MLLT1: variants seen among roughly 807,000 people sequenced by gnomAD.
MLLT1 encodes the protein protein ENL.
In MLLT1, 11 loss-of-function variants were observed where a neutral mutation model predicts 55.1. The ratio of observed to expected loss-of-function variants is 0.20; its 90% CI spans 0.13 to 0.33. The LOEUF (loss-of-function observed/expected upper bound fraction) is 0.33, where lower values mean the gene tolerates loss of function less well. Among genes scored for constraint, MLLT1 ranks in the 10% least tolerant of loss-of-function variants. The pLI, the probability that MLLT1 is intolerant of heterozygous loss-of-function variation, is 1.00. For missense variants in MLLT1, 536 were observed against 760.6 expected (o/e 0.70, Z 3.47); for synonymous variants, 323 against 320.1 (o/e 1.01, Z -0.10).
At chr19:6,271,775 C>T (rs1049031896) in intron 1 of MLLT1, among the ~76,000 whole-genome samples, 2 of 152,210 alleles carry the variant, frequency 1.3e-5, no homozygotes, top group African/African-American at 4.8e-5. Context: ...CTGAGATAGC[C>T]GGGAGCCAGC....
chr19:6,213,432 G>C, intron 10 of MLLT1, 24 bp from the exon 11 acceptor site: 1 of 1,585,844 alleles, frequency 6.3e-7, no homozygotes, highest in Non-Finnish European at 8.6e-7. Flanking sequence ...GCAGGTCTCA[G>C]CAGCGTGTGG....
chr19:6,214,806 C>T (rs773558150), intron 8 of MLLT1, among the ~76,000 whole-genome samples: 12 of 152,190 alleles, frequency 7.9e-5, no homozygotes, highest in Non-Finnish European at 1.8e-4. Flanking sequence ...CCCAGGCCTC[C>T]TAGTGAACAA....
rs969767683 is a variant in MLLT1 at position 6,262,781 on chromosome 19, A to G, written c.194-471T>C. Among the ~76,000 whole-genome samples, 8 of 152,246 alleles carry G rather than the reference A, an allele frequency of 5.3e-5. No homozygotes were observed. The East Asian group carries it at 5.8e-4, about 11-fold the overall frequency. ...ACCACGGACACATGCACTGGGAGAC[A>G]GGGGAGCCCCAGGTGGCTGGGACCC... On this transcript the variant is annotated intron_variant, in intron 2 of 11. Coordinates refer to ENST00000252674, the MANE Select transcript of MLLT1 (RefSeq NM_005934.4). This position sits in a 1 kb window ranked among gnomAD's most constrained non-coding sequence, Gnocchi z 4.4.
rs1053032866 is a variant in MLLT1 at position 6,240,910 on chromosome 19, G to A, written c.277-10197C>T. Among the ~76,000 whole-genome samples the A allele has an allele frequency of 2.6e-5, 4 of 152,140 alleles. No individual in the cohort carries two copies. The highest frequency in any genetic ancestry group is 6.5e-5 in the Admixed American group (1 of 15,280). On this transcript the variant is annotated intron_variant, in intron 3 of 11. Coordinates refer to ENST00000252674, the MANE Select transcript of MLLT1 (RefSeq NM_005934.4). This position sits in a 1 kb window ranked among gnomAD's most constrained non-coding sequence, Gnocchi z 4.7. ...TAAAATGCTCTCCATGGAAACAGAC[G>A]TTTTTAGACTTAAAGTTTGGCTTCT... is the stretch of plus-strand genomic sequence containing the variant.
At chr19:6,243,339 C>T (rs546731347) in intron 3 of MLLT1, among the ~76,000 whole-genome samples, 16 of 152,328 alleles carry the variant, frequency 1.1e-4, no homozygotes, top group Non-Finnish European at 1.9e-4. Context: ...CAGCCCCTCC[C>T]GAGGCCCTCA....
At chr19:6,214,311 C>T (rs532859012) in intron 8 of MLLT1, among the ~76,000 whole-genome samples, 1 of 152,340 alleles carries the variant, frequency 6.6e-6, no homozygotes, top group East Asian at 1.9e-4. Flanking sequence ...CACAAAGCCC[C>T]CCAGCCAATG....
In MLLT1 at chr19:6,216,456, G is replaced by C; in HGVS notation, c.1256C>G (p.Ser419Cys). Residue 419 changes from serine to cysteine, a missense_variant, in exon 8 of 12, where the codon TCT becomes TGT. Physicochemically the swap from Ser to Cys is moderately radical, Grantham distance 112 (BLOSUM62 -1). Coordinates refer to ENST00000252674, the MANE Select transcript of MLLT1 (RefSeq NM_005934.4). The part of the protein sequence containing the change: ...LQSEESDEDD[S>C]SSGEEAAGKT... Reference sequence around the variant, plus strand: ...GCCGGCAGCCTCCTCGCCTGACGAAGAGTCGTCCTCGTCGGACTCCTCGGA... The same window carrying C: ...GCCGGCAGCCTCCTCGCCTGACGAACAGTCGTCCTCGTCGGACTCCTCGGA... 1 of 1,610,066 alleles carries C rather than the reference G, an allele frequency of 6.2e-7. No homozygotes were observed. Among genetic ancestry groups the C allele is most frequent in the Non-Finnish European group, 8.5e-7 (1 of 1,178,946 alleles).
At position 6,273,665 on chromosome 19, in the gene MLLT1, CCT is replaced by C. The variant is rs1398189758; in HGVS notation, c.13-2908_13-2907del. Among the ~76,000 whole-genome samples, 3 of 152,184 alleles carry C rather than the reference CCT, an allele frequency of 2.0e-5. No homozygotes were observed. The highest frequency in any genetic ancestry group is 2.9e-5 in the Non-Finnish European group (2 of 68,030). On this transcript the variant is annotated intron_variant, in intron 1 of 11. Transcript: ENST00000252674. The surrounding 1 kb of genome is among the most constrained non-coding windows in gnomAD (Gnocchi z 4.3). ...TTCGCTAGAAAACAGGAAGGCAACC[CCT>C]GTCCCGCTGGGAGCATTACAGGTGA...
At chr19:6,258,361 G>T (rs576951547) in intron 3 of MLLT1, among the ~76,000 whole-genome samples, 1 of 152,244 alleles carries the variant, frequency 6.6e-6, no homozygotes, top group South Asian at 2.1e-4. Flanking sequence ...ACCCCAAACT[G>T]ATACTGTCAG....
chr19:6,261,210 G>A (rs996304647), intron 3 of MLLT1, among the ~76,000 whole-genome samples: 6 of 152,174 alleles, frequency 3.9e-5, no homozygotes, highest in South Asian at 2.1e-4. Context: ...TTCTCCCAGC[G>A]GGGCCTCAAT....
At chr19:6,251,723 G>C (rs1359815855) in intron 3 of MLLT1, among the ~76,000 whole-genome samples, 1 of 151,314 alleles carries the variant, frequency 6.6e-6, no homozygotes, top group Non-Finnish European at 1.5e-5. Context: ...CCAGGAGTTC[G>C]AGACCAGCCT....
At position 6,270,492 on chromosome 19, in the gene MLLT1, T is replaced by A; in HGVS notation, c.193+87A>T. On this transcript the variant is annotated intron_variant, in intron 2 of 11. Coordinates refer to ENST00000252674, the MANE Select transcript of MLLT1 (RefSeq NM_005934.4). This position sits in a 1 kb window ranked among gnomAD's most constrained non-coding sequence, Gnocchi z 7.1. ...CTCATGGTTGGAGGGGTCCTGCTGC[T>A]CCTGAGGGAGGGGTGGAGCCTGGCC... 2 of 1,422,566 alleles carry A rather than the reference T, an allele frequency of 1.4e-6. No homozygotes were observed. The highest frequency in any genetic ancestry group is 1.9e-6 in the Non-Finnish European group (2 of 1,053,792). The allele number at this position is 1,422,566 out of a possible 1,614,324, so 88.1% of individuals were successfully genotyped here.
At position 6,223,320 on chromosome 19, in the gene MLLT1, C is replaced by T. The variant is rs3787068; in HGVS notation, c.547-636G>A. On this transcript the variant is annotated intron_variant, in intron 5 of 11. Coordinates refer to ENST00000252674, the MANE Select transcript of MLLT1 (RefSeq NM_005934.4). ...GGTACCGCACGGAGCAAACAGCTCC[C>T]GGGCTTCTCAGAAGGGAAACCGCCT... Among the ~76,000 whole-genome samples the T allele has an allele frequency of 2.5e-4, 38 of 152,296 alleles. No individual in the cohort carries two copies. The East Asian group carries it at 2.9e-3, about 12-fold the overall frequency.
chr19:6,212,817 G>C lies in MLLT1; in HGVS notation c.*225C>G. On this transcript the variant is annotated 3_prime_UTR_variant, in exon 12 of 12. Coordinates refer to ENST00000252674, the MANE Select transcript of MLLT1 (RefSeq NM_005934.4). ...TCTCTGAGGGGAGCCCAGAGAGCCCGGGGGGCGGCTCCCGTGTGGCCCAGC... is the reference window on the plus strand; with the variant it reads ...TCTCTGAGGGGAGCCCAGAGAGCCCCGGGGGCGGCTCCCGTGTGGCCCAGC... 2.3e-6 allele frequency: 2 copies of C among 887,144 alleles called. No homozygotes were observed. The highest frequency in any genetic ancestry group is 3.1e-6 in the Non-Finnish European group (2 of 637,414). 55.0% of individuals were successfully genotyped at this position (887,144 alleles called of 1,614,324 possible). A position where few individuals can be genotyped will look rare whatever the true frequency, so the allele number is the denominator to read the frequency against.
chr19:6,212,478 GCA>G lies in MLLT1; in HGVS notation c.*562_*563del. On this transcript the variant is annotated 3_prime_UTR_variant, in exon 12 of 12. Coordinates refer to ENST00000252674, the MANE Select transcript of MLLT1 (RefSeq NM_005934.4). ...TGGACACTGCTCTTGACCAGACAGT[GCA>G]CACACATATATAATAGAGAGAACTA... 1 of 1,066,798 alleles carries G rather than the reference GCA, an allele frequency of 9.4e-7. No homozygotes were observed. Among genetic ancestry groups the G allele is most frequent in the Non-Finnish European group, 1.1e-6 (1 of 880,396 alleles). 66.1% of individuals were successfully genotyped at this position (1,066,798 alleles called of 1,614,324 possible).
Position 6,230,089 on chromosome 19 carries a change from G to GA in MLLT1, c.420+480_420+481insT, listed in dbSNP as rs2090994339. Among the ~76,000 whole-genome samples, 1 of 152,134 alleles carries GA rather than the reference G, an allele frequency of 6.6e-6. No individual in the cohort carries two copies. Among genetic ancestry groups the GA allele is most frequent in the Non-Finnish European group, 1.5e-5 (1 of 68,018 alleles). ...CGTGGGGAACTCTGAGCCCCCACAGGGTCCGGAGGGCTCGACTCCAGCCAC... is the reference window on the plus strand; with the variant it reads ...CGTGGGGAACTCTGAGCCCCCACAGGAGTCCGGAGGGCTCGACTCCAGCCAC... On this transcript the variant is annotated intron_variant, in intron 4 of 11. Coordinates refer to ENST00000252674, the MANE Select transcript of MLLT1 (RefSeq NM_005934.4). This position sits in a 1 kb window ranked among gnomAD's most constrained non-coding sequence, Gnocchi z 9.0.
In MLLT1 at chr19:6,212,578, CA is replaced by C. The variant is rs1259777301; in HGVS notation, c.*463del. 3 of 1,089,508 alleles carry C rather than the reference CA, an allele frequency of 2.8e-6. No homozygotes were observed. In the African/African-American group the frequency reaches 4.9e-5, roughly 18 times the overall value. 67.5% of individuals were successfully genotyped at this position (1,089,508 alleles called of 1,614,324 possible). A position where few individuals can be genotyped will look rare whatever the true frequency, so the allele number is the denominator to read the frequency against. On this transcript the variant is annotated 3_prime_UTR_variant, in exon 12 of 12. Coordinates refer to ENST00000252674, the MANE Select transcript of MLLT1 (RefSeq NM_005934.4). ...AGGTCTACACGGAGGACGACGCAGA[CA>C]CACAGGCAGGGCCTTCTGAGGTCCA...
chr19:6,272,159 C>A (rs529725398), intron 1 of MLLT1, among the ~76,000 whole-genome samples: 14 of 151,526 alleles, frequency 9.2e-5, no homozygotes, highest in African/African-American at 3.4e-4. Context: ...CGCACGTCTT[C>A]CACGCGTGTA....
intron 10 of MLLT1, 83 bp downstream of exon 10, chr19:6,213,643 G>A: frequency 7.4e-7 from 1 of 1,354,206 alleles, no homozygotes; most frequent in Non-Finnish European, 1.1e-6. Flanking sequence ...GGGTGTTGGG[G>A]GGCTCTGGGG....
Sources: allele counts gnomAD v4.1 joint callset (sites outside exome capture counted in the v4.1 genomes callset), GRCh38; gene constraint gnomAD v4.1.1; non-coding constraint Gnocchi (gnomAD v3.1); transcripts MANE v1.5; gene names NCBI Gene and HGNC (gene_info 2026-07-23, HGNC 2026-07-21).